INPP4B: variants seen among roughly 807,000 people sequenced by gnomAD.
INPP4B encodes the protein inositol polyphosphate-4-phosphatase type II B.
In INPP4B, 55 loss-of-function variants were observed where a neutral mutation model predicts 122.5. That is an observed-to-expected ratio of 0.45 (90% CI 0.36 to 0.56). The LOEUF is 0.56. Among genes scored for constraint, INPP4B ranks in the 20% least tolerant of loss-of-function variants. INPP4B has a pLI of 0.00. For missense variants in INPP4B, 1,000 were observed against 1,097.7 expected (o/e 0.91, Z 1.26); for synonymous variants, 403 against 388.7 (o/e 1.04, Z -0.43).
intron 2 of INPP4B, among the ~76,000 whole-genome samples, chr4:142,476,966 C>T (rs1244269482): frequency 6.6e-6 from 1 of 152,102 alleles, no homozygotes; most frequent in Non-Finnish European, 1.5e-5. Context: ...GGGGCTAATA[C>T]CATCTAGAAT....
chr4:142,060,047 C>A (rs1424032983), intron 25 of INPP4B, among the ~76,000 whole-genome samples: 1 of 152,164 alleles, frequency 6.6e-6, no homozygotes, highest in African/African-American at 2.4e-5. Context: ...TATAGAATGG[C>A]TACTTGCTAT....
chr4:142,191,897 T>C (rs1835993969), intron 15 of INPP4B, among the ~76,000 whole-genome samples: 1 of 152,092 alleles, frequency 6.6e-6, no homozygotes. Flanking sequence ...AAGAAAAATA[T>C]ATGTGTATTG....
At chr4:142,305,948 C>T (rs1763187171) in intron 8 of INPP4B, 3 of 1,015,444 alleles carry the variant, frequency 3.0e-6, no homozygotes, top group Non-Finnish European at 3.5e-6. Context: ...CAGATATGAG[C>T]AAATCTGTTA....
At chr4:142,740,763 A>C (rs1335397722) in intron 1 of INPP4B, among the ~76,000 whole-genome samples, 1 of 152,036 alleles carries the variant, frequency 6.6e-6, no homozygotes, top group African/African-American at 2.4e-5. Context: ...GTAGCAAAAA[A>C]AGGAATTCTT....
chr4:142,273,729 A>G (rs992641003), intron 9 of INPP4B, among the ~76,000 whole-genome samples: 6 of 151,784 alleles, frequency 4.0e-5, no homozygotes, highest in African/African-American at 1.4e-4. Context: ...TAATCTAGTG[A>G]TGCTATAGAA....
chr4:142,173,832 A>C, intron 15 of INPP4B, 23 bp from the exon 16 acceptor site: 1 of 1,589,026 alleles, frequency 6.3e-7, no homozygotes, highest in Non-Finnish European at 8.6e-7. Context: ...AGATAAAAAT[A>C]AGTTACACAA....
chr4:142,371,552 T>C (rs1789917759), intron 7 of INPP4B, among the ~76,000 whole-genome samples: 1 of 151,986 alleles, frequency 6.6e-6, no homozygotes, highest in South Asian at 2.1e-4. Context: ...ATCCAGAATA[T>C]ATAAGGAGCT....
chr4:142,387,812 G>T (rs765087010), intron 7 of INPP4B, among the ~76,000 whole-genome samples: 4 of 152,086 alleles, frequency 2.6e-5, no homozygotes, highest in Non-Finnish European at 5.9e-5. Context: ...ATACAGAGGG[G>T]TACCTTAGGA....
Position 142,314,775 on chromosome 4 carries a change from A to ACCC in INPP4B, c.373-14_373-13insGGG. 6.3e-7 allele frequency: 1 copy of ACCC among 1,591,614 alleles called. No individual in the cohort carries two copies. Among genetic ancestry groups the ACCC allele is most frequent in the Non-Finnish European group, 8.5e-7 (1 of 1,171,852 alleles). On this transcript the variant is annotated splice_polypyrimidine_tract_variant and intron_variant, in intron 7 of 25. Coordinates refer to ENST00000262992, the MANE Select transcript of INPP4B (RefSeq NM_001101669.3). ...CACTGGTTCGAACCTGTGGAGAAAA[A>ACCC]CATTTTCTGTAAGACTTTGGAGTAG...
intron 1 of INPP4B, among the ~76,000 whole-genome samples, chr4:142,845,773 G>T (rs1370701192): frequency 6.6e-6 from 1 of 152,018 alleles, no homozygotes; most frequent in Non-Finnish European, 1.5e-5. Context: ...CGATCATCAG[G>T]ATTGGAAGTG....
At chr4:142,824,832 G>A (rs1002818021) in intron 1 of INPP4B, among the ~76,000 whole-genome samples, 17 of 151,704 alleles carry the variant, frequency 1.1e-4, no homozygotes, top group South Asian at 4.2e-4. Flanking sequence ...CTTAAAAAAC[G>A]TATCTTAATT....
intron 2 of INPP4B, among the ~76,000 whole-genome samples, chr4:142,701,659 T>G (rs1761786797): frequency 6.6e-6 from 1 of 152,144 alleles, no homozygotes; most frequent in Non-Finnish European, 1.5e-5. Context: ...TTCTACTAGA[T>G]ACCTTCCTGA....
At chr4:142,123,566 T>C in intron 19 of INPP4B, 151 bp from the exon 20 acceptor site, 1 of 732,124 alleles carries the variant, frequency 1.4e-6, no homozygotes, top group Non-Finnish European at 2.2e-6. Flanking sequence ...TAAAACAAGT[T>C]GACAGTCTTT....
intron 2 of INPP4B, among the ~76,000 whole-genome samples, chr4:142,648,792 G>C (rs1437515590): frequency 6.6e-6 from 1 of 152,208 alleles, no homozygotes; most frequent in Non-Finnish European, 1.5e-5. Context: ...TTTGTTCATA[G>C]TTGAACAAAA....
chr4:142,585,607 G>A (rs937205835), intron 2 of INPP4B, among the ~76,000 whole-genome samples: 1 of 152,006 alleles, frequency 6.6e-6, no homozygotes, highest in Non-Finnish European at 1.5e-5. Flanking sequence ...CTCAACTGTT[G>A]GAGGAAGTCC....
intron 18 of INPP4B, among the ~76,000 whole-genome samples, chr4:142,141,138 T>A (rs1455083225): frequency 6.6e-6 from 1 of 152,192 alleles, no homozygotes; most frequent in East Asian, 1.9e-4. Context: ...AAAGTAAATT[T>A]GTTTTTTATT....
At chr4:142,305,629 A>G (rs1465018596) in intron 8 of INPP4B, 92 bp from the exon 9 acceptor site, 2 of 1,513,216 alleles carry the variant, frequency 1.3e-6, no homozygotes, top group Non-Finnish European at 1.8e-6. Flanking sequence ...CTTTAGAAGA[A>G]TGAAATATTA....
At chr4:142,052,071 T>A (rs1431837121) in intron 25 of INPP4B, among the ~76,000 whole-genome samples, 1 of 152,022 alleles carries the variant, frequency 6.6e-6, no homozygotes, top group Non-Finnish European at 1.5e-5. Flanking sequence ...AAATAAAATG[T>A]TCTGACTTCC....
In INPP4B at chr4:142,386,798, T is replaced by C. The variant is rs539769707; in HGVS notation, c.372+16140A>G. ...ATCATTCCTTGCTCAATTAAACTCC[T>C]TTAAATTTAATTCGGCTTAAGTTTT... On this transcript the variant is annotated intron_variant, in intron 7 of 25. Transcript: ENST00000262992. Among the ~76,000 whole-genome samples the C allele has an allele frequency of 8.7e-4, 133 of 152,308 alleles. 1 individual carries two copies. Among genetic ancestry groups the C allele is most frequent in the African/African-American group, 3.1e-3 (129 of 41,584 alleles).
Sources: allele counts gnomAD v4.1 joint callset (sites outside exome capture counted in the v4.1 genomes callset), GRCh38; gene constraint gnomAD v4.1.1; transcripts MANE v1.5; gene names NCBI Gene and HGNC (gene_info 2026-07-23, HGNC 2026-07-21).